Variants in NPAS3 observed in about 807,000 individuals in gnomAD.
NPAS3 encodes the protein neuronal PAS domain-containing protein 3.
NPAS3 carries 14 observed loss-of-function variants against 73.1 expected under a neutral mutation model. The ratio of observed to expected loss-of-function variants is 0.19; its 90% CI spans 0.13 to 0.30. NPAS3 has a LOEUF of 0.30. NPAS3 is among the 10% of genes least tolerant of loss of function. NPAS3 has a pLI of 1.00. For missense variants in NPAS3, 1,096 were observed against 1,250.0 expected, an observed-to-expected ratio of 0.88 and a Z score of 1.86; for synonymous variants, 620 against 541.5, an observed-to-expected ratio of 1.14 and a Z score of -2.01.
chr14:33,671,199 G>T (rs1283831312), intron 5 of NPAS3, among the ~76,000 whole-genome samples: 1 of 152,108 alleles, frequency 6.6e-6, no homozygotes, highest in Admixed American at 6.5e-5. Flanking sequence ...TCAATGAGTT[G>T]CACTGTTAGT....
chr14:33,468,229 C>T (rs1179579082), intron 4 of NPAS3, among the ~76,000 whole-genome samples: 1 of 152,134 alleles, frequency 6.6e-6, no homozygotes, highest in Non-Finnish European at 1.5e-5. Flanking sequence ...TAGGGAAGGC[C>T]ACCAGGCTCG....
chr14:33,795,007 G>T (rs946181821), intron 10 of NPAS3, among the ~76,000 whole-genome samples: 7 of 152,170 alleles, frequency 4.6e-5, no homozygotes, highest in African/African-American at 1.7e-4. Flanking sequence ...GTGCCCTTTG[G>T]CTGATAATTT....
intron 7 of NPAS3, among the ~76,000 whole-genome samples, chr14:33,773,129 G>A (rs191057929): frequency 6.6e-6 from 1 of 152,292 alleles, no homozygotes; most frequent in Admixed American, 6.5e-5. Context: ...GGAGCCCCTG[G>A]GAAGGAGAGC....
At chr14:33,358,128 C>T (rs139359334) in intron 3 of NPAS3, among the ~76,000 whole-genome samples, 2 of 152,220 alleles carry the variant, frequency 1.3e-5, no homozygotes, top group East Asian at 1.9e-4. Flanking sequence ...CTTCAGAACA[C>T]GGAGGTGATA....
chr14:33,773,054 G>T (rs1227331123), intron 7 of NPAS3, among the ~76,000 whole-genome samples: 1 of 152,102 alleles, frequency 6.6e-6, no homozygotes, highest in African/African-American at 2.4e-5. Context: ...AGTAGTGTGG[G>T]CCCACTATTG....
At chr14:33,489,456 AGC>A (rs1335764141) in intron 4 of NPAS3, among the ~76,000 whole-genome samples, 1 of 152,194 alleles carries the variant, frequency 6.6e-6, no homozygotes. Context: ...TTAAAAAAAC[AGC>A]AAAAAAGTTA....
intron 7 of NPAS3, among the ~76,000 whole-genome samples, chr14:33,765,418 C>G (rs888756049): frequency 1.3e-5 from 2 of 152,090 alleles, no homozygotes; most frequent in African/African-American, 4.8e-5. Context: ...CAGCCAGGGG[C>G]CGGCTGGGCT....
chr14:33,685,691 C>T (rs1382298091), intron 6 of NPAS3, among the ~76,000 whole-genome samples: 1 of 152,186 alleles, frequency 6.6e-6, no homozygotes, highest in Non-Finnish European at 1.5e-5. Context: ...GCTTTGTCTA[C>T]TCCAAGTATA....
At chr14:33,459,314 G>A (rs1476418841) in intron 4 of NPAS3, among the ~76,000 whole-genome samples, 2 of 152,170 alleles carry the variant, frequency 1.3e-5, no homozygotes, top group East Asian at 1.9e-4. Context: ...GCTACTATTC[G>A]AGATGGAATT....
chr14:33,174,697 G>T (rs1388606933), intron 2 of NPAS3, among the ~76,000 whole-genome samples: 1 of 152,110 alleles, frequency 6.6e-6, no homozygotes, highest in Non-Finnish European at 1.5e-5. Context: ...TAAGTCAGAG[G>T]CTAAATGGAG....
chr14:33,194,250 A>T (rs938480957), intron 2 of NPAS3, among the ~76,000 whole-genome samples: 18 of 152,202 alleles, frequency 1.2e-4, no homozygotes, highest in African/African-American at 3.9e-4. Context: ...CTCACATTTC[A>T]ACTGTCTTGT....
chr14:33,585,931 T>G (rs1019563048), intron 5 of NPAS3: 2 of 152,118 alleles, frequency 1.3e-5, no homozygotes, highest in Non-Finnish European at 2.9e-5. Flanking sequence ...AGTTTTATTT[T>G]CTGATCATAT....
chr14:33,026,396 C>T (rs1250736390), intron 1 of NPAS3, among the ~76,000 whole-genome samples: 1 of 152,190 alleles, frequency 6.6e-6, no homozygotes, highest in African/African-American at 2.4e-5. Flanking sequence ...TATGGTTCCT[C>T]CTTGTATCTG....
intron 4 of NPAS3, among the ~76,000 whole-genome samples, chr14:33,369,531 G>T (rs984120696): frequency 6.6e-6 from 1 of 151,868 alleles, no homozygotes; most frequent in Non-Finnish European, 1.5e-5. Context: ...TCCTAAATAG[G>T]GCTGGTCACA....
At chr14:32,939,974 C>A (rs1566782241) in intron 1 of NPAS3, among the ~76,000 whole-genome samples, 1 of 152,230 alleles carries the variant, frequency 6.6e-6, no homozygotes, top group African/African-American at 2.4e-5. Flanking sequence ...CGCCTCCCTG[C>A]CTCCCGGGCT....
At chr14:33,207,187 GATTAA>G (rs2046851901) in intron 2 of NPAS3, among the ~76,000 whole-genome samples, 2 of 151,428 alleles carry the variant, frequency 1.3e-5, no homozygotes, top group Non-Finnish European at 2.9e-5. Flanking sequence ...GAACAATACA[GATTAA>G]GATCTGGATG....
chr14:33,018,432 C>T (rs555630228), intron 1 of NPAS3, among the ~76,000 whole-genome samples: 1 of 152,228 alleles, frequency 6.6e-6, no homozygotes, highest in African/African-American at 2.4e-5. Context: ...ATGGCAGAGG[C>T]AGGACTTTCT....
upstream of NPAS3, among the ~76,000 whole-genome samples, chr14:32,935,213 C>T (rs1297462998): frequency 6.6e-6 from 1 of 152,190 alleles, no homozygotes; most frequent in Non-Finnish European, 1.5e-5. Context: ...TGAAATCATC[C>T]TTTGCCCTTT....
chr14:33,207,130 CT>C (rs1490176339), intron 2 of NPAS3, among the ~76,000 whole-genome samples: 1 of 152,004 alleles, frequency 6.6e-6, no homozygotes, highest in Non-Finnish European at 1.5e-5. Context: ...CTTCAATTTC[CT>C]TTTAATTGGA....
Sources: allele counts gnomAD v4.1 joint callset (sites outside exome capture counted in the v4.1 genomes callset), GRCh38; gene constraint gnomAD v4.1.1; transcripts MANE v1.5; gene names NCBI Gene and HGNC (gene_info 2026-07-23, HGNC 2026-07-21).